Variants in LOC400499 observed in about 807,000 individuals in gnomAD.
the LOC400499 span, chr16:11,447,890 G>A: frequency 6.6e-7 from 1 of 1,509,130 alleles, no homozygotes; most frequent in South Asian, 1.3e-5. Context: ...CTAGAGAAGG[G>A]GAAACTTGCA....
At chr16:11,492,905 T>A in the LOC400499 span, among the ~76,000 whole-genome samples, 4 of 152,086 alleles carry the variant, frequency 2.6e-5, no homozygotes, top group South Asian at 8.3e-4. Flanking sequence ...AAGGGAGACC[T>A]CACAGTGAAA....
At chr16:11,518,915 T>C in the LOC400499 span, 2 of 399,062 alleles carry the variant, frequency 5.0e-6, no homozygotes, top group Non-Finnish European at 4.4e-6. Flanking sequence ...GCTCTCCGAC[T>C]CCTTCAGAAG....
chr16:11,462,400 C>A, the LOC400499 span: 2 of 1,368,920 alleles, frequency 1.5e-6, no homozygotes, highest in South Asian at 1.7e-5. Context: ...GAGACAACAT[C>A]GCTAACAACC....
At chr16:11,526,546 A>G in the LOC400499 span, among the ~76,000 whole-genome samples, 1 of 152,272 alleles carries the variant, frequency 6.6e-6, no homozygotes, top group South Asian at 2.1e-4. Context: ...TGTCGTAAGT[A>G]TAAAATACAC....
At chr16:11,514,634 C>G in the LOC400499 span, 1 of 398,928 alleles carries the variant, frequency 2.5e-6, no homozygotes. Context: ...AGGGACACAT[C>G]AGAGCTGTAG....
At chr16:11,387,178 C>G in the LOC400499 span, 1 of 1,232,272 alleles carries the variant, frequency 8.1e-7, no homozygotes, top group East Asian at 3.2e-5. Flanking sequence ...TGGCCCCAGA[C>G]AGCTCTCGGA....
the LOC400499 span, chr16:11,446,911 C>T: frequency 6.5e-7 from 1 of 1,533,480 alleles, no homozygotes; most frequent in Non-Finnish European, 8.7e-7. Flanking sequence ...CAACGGGTGC[C>T]TGGTGTGCAG....
the LOC400499 span, among the ~76,000 whole-genome samples, chr16:11,467,475 G>T: frequency 3.3e-5 from 5 of 151,900 alleles, no homozygotes; most frequent in Admixed American, 6.6e-5. Flanking sequence ...AGCCAAGCAT[G>T]GTGGCACATG....
chr16:11,501,314 T>C, the LOC400499 span, among the ~76,000 whole-genome samples: 2 of 151,634 alleles, frequency 1.3e-5, no homozygotes, highest in Non-Finnish European at 2.9e-5. Flanking sequence ...CAGCAAACAG[T>C]CCCTAATTTA....
the LOC400499 span, chr16:11,383,772 T>G: frequency 4.9e-6 from 6 of 1,232,076 alleles, no homozygotes; most frequent in African/African-American, 9.3e-5. Flanking sequence ...TGAGGAATGG[T>G]GTAGGGTCTA....
At chr16:11,379,943 T>G in the LOC400499 span, among the ~76,000 whole-genome samples, 2 of 152,110 alleles carry the variant, frequency 1.3e-5, no homozygotes, top group African/African-American at 2.4e-5. Context: ...CCCCCTCCTA[T>G]GTTGTTGATA....
chr16:11,460,194 A>G, the LOC400499 span: 4 of 764,774 alleles, frequency 5.2e-6, no homozygotes, highest in Non-Finnish European at 7.3e-6. Context: ...TTTTTTTTTA[A>G]TTTATTACTT....
the LOC400499 span, among the ~76,000 whole-genome samples, chr16:11,411,761 C>A: frequency 6.6e-6 from 1 of 152,106 alleles, no homozygotes; most frequent in African/African-American, 2.4e-5. Context: ...GATTTTAACC[C>A]CCTGACTCCC....
chr16:11,376,742 T>G, the LOC400499 span, among the ~76,000 whole-genome samples: 4 of 152,178 alleles, frequency 2.6e-5, no homozygotes, highest in Non-Finnish European at 4.4e-5. Context: ...GCCACTGGGA[T>G]TTTGATAGCA....
chr16:11,375,732 A>ATTT, the LOC400499 span, among the ~76,000 whole-genome samples: 423 of 130,666 alleles, frequency 3.2e-3, 15 homozygotes, highest in African/African-American at 0.01. Context: ...TCCTTTGTAC[A>ATTT]TTTTTTTTTT....
the LOC400499 span, among the ~76,000 whole-genome samples, chr16:11,376,075 T>C: frequency 6.6e-6 from 1 of 152,210 alleles, no homozygotes; most frequent in South Asian, 2.1e-4. Flanking sequence ...GTTTTTGTTG[T>C]TACATTGTGA....
At chr16:11,486,037 G>T in the LOC400499 span, among the ~76,000 whole-genome samples, 2 of 152,002 alleles carry the variant, frequency 1.3e-5, no homozygotes, top group Non-Finnish European at 2.9e-5. Flanking sequence ...TTTGGTAAAT[G>T]GATTGAGTGA....
the LOC400499 span, among the ~76,000 whole-genome samples, chr16:11,519,680 CA>C: frequency 4.4e-4 from 66 of 149,862 alleles, no homozygotes; most frequent in African/African-American, 1.5e-3. Flanking sequence ...AAGCCAGACA[CA>C]AAAAGTCACG....
chr16:11,430,375 A>C, the LOC400499 span, among the ~76,000 whole-genome samples: 1 of 152,068 alleles, frequency 6.6e-6, no homozygotes, highest in Non-Finnish European at 1.5e-5. Flanking sequence ...CTGTAATCCA[A>C]GCTACTCGGG....
Sources: allele counts gnomAD v4.1 joint callset (sites outside exome capture counted in the v4.1 genomes callset), GRCh38; gene constraint gnomAD v4.1.1; transcripts MANE v1.5.